Variants in SHISA9 observed in about 807,000 individuals in gnomAD.
The protein encoded by SHISA9 is protein shisa-9.
SHISA9 carries 13 observed loss-of-function variants against 38.0 expected under a neutral mutation model. That is an observed-to-expected ratio of 0.34 (90% CI 0.22 to 0.54). The LOEUF is 0.54. Among genes scored for constraint, SHISA9 ranks in the 20% least tolerant of loss-of-function variants. SHISA9 has a pLI of 0.91. For synonymous variants in SHISA9, 275 were observed against 242.0 expected (o/e 1.14, Z -1.27); for missense variants, 538 against 575.8 (o/e 0.93, Z 0.67).
At chr16:13,006,466 A>T (rs556916740) in intron 2 of SHISA9, among the ~76,000 whole-genome samples, 2 of 152,180 alleles carry the variant, frequency 1.3e-5, no homozygotes, top group African/African-American at 4.8e-5. Context: ...AGAGGATGCC[A>T]GTGAAGCAAG....
intron 2 of SHISA9, among the ~76,000 whole-genome samples, chr16:13,037,455 G>T (rs986845167): frequency 2.0e-5 from 3 of 152,030 alleles, no homozygotes; most frequent in African/African-American, 4.8e-5. Context: ...ACCAAGGTTG[G>T]GGGAGGGGAG....
At chr16:13,166,553 C>A (rs1055097893) in intron 2 of SHISA9, among the ~76,000 whole-genome samples, 3 of 152,198 alleles carry the variant, frequency 2.0e-5, no homozygotes, top group Admixed American at 1.3e-4. Context: ...TTCTCCATAG[C>A]CTCAGTCTTA....
chr16:13,419,197 C>T, the SHISA9 span, among the ~76,000 whole-genome samples: 1 of 152,108 alleles, frequency 6.6e-6, no homozygotes, highest in Non-Finnish European at 1.5e-5. Flanking sequence ...TAAATAATGG[C>T]GTAAGACAAT....
chr16:13,025,586 T>G (rs976196895), intron 2 of SHISA9, among the ~76,000 whole-genome samples: 3 of 152,182 alleles, frequency 2.0e-5, no homozygotes, highest in Non-Finnish European at 4.4e-5. Flanking sequence ...AGGATCCTAA[T>G]ATTGAGCCAG....
the SHISA9 span, among the ~76,000 whole-genome samples, chr16:13,552,567 C>T: frequency 1.3e-5 from 2 of 151,920 alleles, no homozygotes; most frequent in African/African-American, 4.8e-5. Context: ...GTATTAATAT[C>T]GCCATTTCGC....
chr16:13,372,350 A>C, the SHISA9 span, among the ~76,000 whole-genome samples: 1 of 152,216 alleles, frequency 6.6e-6, no homozygotes, highest in Non-Finnish European at 1.5e-5. Flanking sequence ...GGAGAGGGAC[A>C]AGGTCCCTGT....
chr16:13,148,985 T>TA (rs2050473619), intron 2 of SHISA9, among the ~76,000 whole-genome samples: 1 of 152,286 alleles, frequency 6.6e-6, no homozygotes, highest in African/African-American at 2.4e-5. Context: ...GTGCCTTCTC[T>TA]ACCCTCAGTG....
the SHISA9 span, among the ~76,000 whole-genome samples, chr16:13,512,531 A>G: frequency 1.3e-5 from 2 of 152,286 alleles, no homozygotes; most frequent in Admixed American, 6.5e-5. Flanking sequence ...AACCAAAAAA[A>G]AGAGAGTCTG....
chr16:13,196,391 C>T (rs1476561566), intron 2 of SHISA9, among the ~76,000 whole-genome samples: 18 of 100,850 alleles, frequency 1.8e-4, no homozygotes, highest in African/African-American at 7.5e-4. Flanking sequence ...AGCGAGACTC[C>T]GTCTCAAAAA....
At chr16:12,932,964 T>C (rs1164502768) in intron 2 of SHISA9, among the ~76,000 whole-genome samples, 2 of 152,134 alleles carry the variant, frequency 1.3e-5, no homozygotes, top group African/African-American at 4.8e-5. Context: ...CTGCTACAGA[T>C]ATAATAAAAG....
At chr16:12,904,428 A>C (rs1309899586) in intron 1 of SHISA9, among the ~76,000 whole-genome samples, 1 of 152,134 alleles carries the variant, frequency 6.6e-6, no homozygotes, top group Non-Finnish European at 1.5e-5. Flanking sequence ...GGAGAAAGTG[A>C]TGCTAGATCA....
chr16:13,389,611 A>G, the SHISA9 span, among the ~76,000 whole-genome samples: 2 of 152,154 alleles, frequency 1.3e-5, no homozygotes, highest in Non-Finnish European at 2.9e-5. Context: ...GCTCCATTTT[A>G]CAGCCCAGGG....
the SHISA9 span, among the ~76,000 whole-genome samples, chr16:13,521,151 T>C: frequency 6.6e-6 from 1 of 152,184 alleles, no homozygotes; most frequent in African/African-American, 2.4e-5. Flanking sequence ...GTACAAACTG[T>C]TCCACACCTG....
intron 2 of SHISA9, among the ~76,000 whole-genome samples, chr16:13,130,408 GT>G (rs371459818): frequency 2.0e-5 from 3 of 150,904 alleles, no homozygotes; most frequent in African/African-American, 4.8e-5. Context: ...CTAATTCTAT[GT>G]TTTTTTGTTT....
chr16:13,022,355 G>C (rs2072867600), intron 2 of SHISA9, among the ~76,000 whole-genome samples: 1 of 150,698 alleles, frequency 6.6e-6, no homozygotes, highest in South Asian at 2.1e-4. Flanking sequence ...TTTCGAGACA[G>C]AGTTTCGCTC....
At chr16:13,376,331 T>C in the SHISA9 span, among the ~76,000 whole-genome samples, 1 of 152,232 alleles carries the variant, frequency 6.6e-6, no homozygotes, top group African/African-American at 2.4e-5. Context: ...TTTGGAGGTC[T>C]AGTCACTCCT....
the SHISA9 span, among the ~76,000 whole-genome samples, chr16:13,441,465 G>T: frequency 6.6e-6 from 1 of 152,150 alleles, no homozygotes. Flanking sequence ...CCAACCTAGA[G>T]ATCCATTCCC....
intron 2 of SHISA9, among the ~76,000 whole-genome samples, chr16:13,096,358 T>C (rs914392569): frequency 6.6e-6 from 1 of 152,148 alleles, no homozygotes; most frequent in Non-Finnish European, 1.5e-5. Flanking sequence ...CGCCATATCA[T>C]CTCTGCCCTC....
At chr16:13,279,900 T>C in the SHISA9 span, among the ~76,000 whole-genome samples, 1 of 151,914 alleles carries the variant, frequency 6.6e-6, no homozygotes, top group South Asian at 2.1e-4. Context: ...TTTGTTAGGA[T>C]GTATAGGTTT....
Sources: allele counts gnomAD v4.1 joint callset (sites outside exome capture counted in the v4.1 genomes callset), GRCh38; gene constraint gnomAD v4.1.1; transcripts MANE v1.5; gene names NCBI Gene and HGNC (gene_info 2026-07-23, HGNC 2026-07-21).